MPP3: variants seen among roughly 807,000 people sequenced by gnomAD.
The protein encoded by MPP3 is MAGUK p55 subfamily member 3.
Under a neutral mutation model 80.7 loss-of-function variants are expected in MPP3, and 48 were observed. That is an observed-to-expected ratio of 0.59 (90% confidence interval 0.47 to 0.76). The LOEUF (loss-of-function observed/expected upper bound fraction) is 0.76, where lower values mean the gene tolerates loss of function less well. MPP3 is among the 30% of genes least tolerant of loss of function. MPP3 has a pLI of 0.00. For synonymous variants in MPP3, 311 were observed against 297.6 expected (o/e 1.04, Z -0.46); for missense variants, 620 against 763.0 (o/e 0.81, Z 2.21).
chr17:43,801,666 A>G lies in MPP3; in HGVS notation c.*35T>C, dbSNP rs2044411905. The G allele has an allele frequency of 6.2e-7, 1 of 1,605,292 alleles. No homozygotes were observed. The highest frequency in any genetic ancestry group is 2.2e-5 in the East Asian group (1 of 44,822). ...AGGGAGTCTGGACTAGATGATCTTCAAGGTCCCGTCCAGCTTGGATGTTCT... is the reference window on the plus strand; with the variant it reads ...AGGGAGTCTGGACTAGATGATCTTCGAGGTCCCGTCCAGCTTGGATGTTCT... On this transcript the variant is annotated 3_prime_UTR_variant, in exon 20 of 20. Transcript: ENST00000398389.
intron 19 of MPP3, among the ~76,000 whole-genome samples, chr17:43,803,201 T>C (rs1197174660): frequency 1.3e-5 from 2 of 152,134 alleles, no homozygotes; most frequent in Non-Finnish European, 2.9e-5. Flanking sequence ...TAGACCTGTC[T>C]GCTGCTTCCA....
intron 5 of MPP3, 25 bp downstream of exon 5, chr17:43,831,219 C>T: frequency 6.2e-7 from 1 of 1,612,758 alleles, no homozygotes; most frequent in South Asian, 1.1e-5. Flanking sequence ...GGGGCAGACA[C>T]TGTAAGGAGA....
intron 19 of MPP3, among the ~76,000 whole-genome samples, chr17:43,802,755 TTC>T (rs1194151532): frequency 6.6e-6 from 1 of 152,196 alleles, no homozygotes; most frequent in East Asian, 1.9e-4. Flanking sequence ...CCCTTTTTAG[TTC>T]TCTGTTGCTG....
chr17:43,811,224 A>T lies in MPP3; in HGVS notation c.1256-19T>A, dbSNP rs754028910. On this transcript the variant is annotated intron_variant, in intron 16 of 19. Coordinates refer to ENST00000398389, the MANE Select transcript of MPP3 (RefSeq NM_001932.6). ...GTGGTATCTTTTAAAGAAAGAAGGA[A>T]AGCTGGGCAAAGAGATGTCACATCA... The T allele has an allele frequency of 7.5e-6, 12 of 1,593,924 alleles. No homozygotes were observed. The Admixed American group carries it at 1.3e-4, about 18-fold the overall frequency.
rs75643552 is a variant in MPP3 at position 43,810,448 on chromosome 17, G to T, written c.1458+359C>A. 5.3e-5 allele frequency among the ~76,000 whole-genome samples: 8 copies of T among 152,064 alleles called. No individual in the cohort carries two copies. The East Asian group carries it at 1.5e-3, about 29-fold the overall frequency. On this transcript the variant is annotated intron_variant, in intron 18 of 19. Transcript: ENST00000398389. ...GTTGGGGAGGGGGAGGCCTGGCACC[G>T]AGAGCTCAGCCCCAGTTTCACCTGG...
intron 6 of MPP3, 51 bp from the exon 7 acceptor site, chr17:43,829,842 A>G (rs755380783): frequency 1.2e-5 from 20 of 1,611,072 alleles, no homozygotes; most frequent in Non-Finnish European, 1.6e-5. Flanking sequence ...TCACAGGGTC[A>G]GCAGGCCGCA....
In MPP3 at chr17:43,814,348, C is replaced by T; in HGVS notation, c.1023G>A (p.Arg341=). The T allele has an allele frequency of 1.1e-5, 17 of 1,602,416 alleles. No homozygotes were observed. The highest frequency in any genetic ancestry group is 1.4e-5 in the Non-Finnish European group (17 of 1,177,938). Reference sequence around the variant, plus strand: ...TCTCCCTACAGCCCAGCCGGAAGCTCCTCCGAAGACCAGCTTGGGAGGAGG... The same window carrying T: ...TCTCCCTACAGCCCAGCCGGAAGCTTCTCCGAAGACCAGCTTGGGAGGAGG... ...LKGHYVAGLR[R]SFRLGCRERL... is the part of the protein sequence containing the mutation. Residue 341 remains arginine, a synonymous_variant, in exon 15 of 20, where the codon AGG becomes AGA. Transcript: ENST00000398389.
chr17:43,827,671 G>A, intron 8 of MPP3, 80 bp downstream of exon 8: 1 of 1,351,726 alleles, frequency 7.4e-7, no homozygotes, highest in Non-Finnish European at 1.0e-6. Flanking sequence ...GGAGGTAAGG[G>A]GACCTATTAG....
intron 8 of MPP3, among the ~76,000 whole-genome samples, chr17:43,827,031 T>G (rs928670527): frequency 3.3e-5 from 5 of 151,980 alleles, no homozygotes; most frequent in African/African-American, 1.2e-4. Context: ...TTTCTTTTTT[T>G]TGAGACGGAA....
chr17:43,829,540 CA>C, intron 7 of MPP3, 113 bp downstream of exon 7: 4 of 1,291,102 alleles, frequency 3.1e-6, no homozygotes, highest in Non-Finnish European at 4.3e-6. Context: ...GCAGCGCAGG[CA>C]AAGCTGCCGT....
chr17:43,830,064 C>T lies in MPP3; in HGVS notation c.266G>A (p.Arg89Lys), dbSNP rs776929847. Residue 89 changes from arginine to lysine, a missense_variant, in exon 6 of 20, where the codon AGG (arginine) becomes AAG (lysine). Physicochemically the swap from Arg to Lys is conservative, Grantham distance 26 (BLOSUM62 2). Coordinates refer to ENST00000398389, the MANE Select transcript of MPP3 (RefSeq NM_001932.6). ...GGTGGACAGCAGCTGGAGCAGCTCCCTCTCATCACTGTGCACGGAGGCGGC... is the reference window on the plus strand; with the variant it reads ...GGTGGACAGCAGCTGGAGCAGCTCCTTCTCATCACTGTGCACGGAGGCGGC... ...LQAASVHSDE[R>K]ELLQLLSTPH... is the part of the protein sequence containing the mutation. 3 of 1,587,444 alleles carry T rather than the reference C, an allele frequency of 1.9e-6. No homozygotes were observed. Among genetic ancestry groups the T allele is most frequent in the Admixed American group, 1.8e-5 (1 of 55,864 alleles).
chr17:43,812,412 G>A (rs1250982835), intron 16 of MPP3, among the ~76,000 whole-genome samples: 1 of 152,056 alleles, frequency 6.6e-6, no homozygotes, highest in Non-Finnish European at 1.5e-5. Flanking sequence ...TTATCTATGG[G>A]TTACATTCTA....
rs372532590 is a variant in MPP3, at chr17:43,830,093, C to T, written c.237G>A (p.Leu79=). 1.4e-5 allele frequency: 21 copies of T among 1,545,178 alleles called. No homozygotes were observed. In the South Asian group the frequency reaches 1.8e-4, roughly 13 times the overall value. The change falls in exon 6 of 20, where the codon TTG becomes TTA. Residue 79 remains leucine (L), a synonymous_variant. Coordinates refer to ENST00000398389, the MANE Select transcript of MPP3 (RefSeq NM_001932.6). Reference sequence around the variant, plus strand: ...CATCACTGTGCACGGAGGCGGCCTGCAACTCCTCCATCACCTGCAGAGAAT... The same window carrying T: ...CATCACTGTGCACGGAGGCGGCCTGTAACTCCTCCATCACCTGCAGAGAAT... ...VALAEDVMEE[L]QAASVHSDER...
intron 6 of MPP3, 54 bp downstream of exon 6, chr17:43,829,972 GC>G (rs759765255): frequency 6.3e-7 from 1 of 1,577,706 alleles, no homozygotes; most frequent in Non-Finnish European, 8.7e-7. Flanking sequence ...AGCTCCCTCC[GC>G]CCCCATCCCA....
chr17:43,825,600 C>T (rs935910601), intron 9 of MPP3, 156 bp downstream of exon 9: 3 of 593,034 alleles, frequency 5.1e-6, no homozygotes, highest in Admixed American at 2.7e-5. Flanking sequence ...CCCCATACCC[C>T]GGGCACACTG....
chr17:43,820,746 G>A, intron 11 of MPP3, 116 bp downstream of exon 11: 2 of 902,672 alleles, frequency 2.2e-6, no homozygotes, highest in South Asian at 3.4e-5. Context: ...ACTTACCTTG[G>A]GGGAACAATG....
intron 5 of MPP3, 26 bp from the exon 6 acceptor site, chr17:43,830,133 T>C (rs556941604): frequency 2.7e-6 from 4 of 1,498,496 alleles, no homozygotes; most frequent in African/African-American, 2.8e-5. Context: ...CAGGCGCCAC[T>C]GATGGCTAGA....
Position 43,831,299 on chromosome 17 carries a change from T to C in MPP3, c.167A>G (p.Tyr56Cys), listed in dbSNP as rs2143173540. Residue 56 changes from tyrosine to cysteine, a missense_variant, in exon 5 of 20, where the codon TAT (tyrosine) becomes TGT (cysteine). Tyr to Cys is a radical substitution (Grantham distance 194). Coordinates refer to ENST00000398389, the MANE Select transcript of MPP3 (RefSeq NM_001932.6). Reference protein sequence around the residue: ...LMKIHEKLRYYERQSPTPVLH... With the variant: ...LMKIHEKLRYCERQSPTPVLH... ...AACTGGGGTTGGACTTTGCCTTTCA[T>C]AATAGCGAAGCTTCTCATGAATCTG... 6.2e-7 allele frequency: 1 copy of C among 1,614,006 alleles called. No individual in the cohort carries two copies. Among genetic ancestry groups the C allele is most frequent in the South Asian group, 1.1e-5 (1 of 91,080 alleles).
intron 19 of MPP3, among the ~76,000 whole-genome samples, chr17:43,807,469 C>T (rs949073053): frequency 6.6e-6 from 1 of 151,708 alleles, no homozygotes; most frequent in African/African-American, 2.4e-5. Context: ...AGGTTTGTGC[C>T]ACCACACCTG....
Sources: gnomAD v4.1 joint callset for allele counts (sites outside exome capture counted in the v4.1 genomes callset) on GRCh38, gnomAD v4.1.1 for gene constraint, MANE v1.5 for transcripts, NCBI Gene and HGNC (gene_info 2026-07-23, HGNC 2026-07-21) for gene names.